Variants in CNTNAP2 observed in about 807,000 individuals in gnomAD.
The protein encoded by CNTNAP2 is contactin associated protein 2.
In CNTNAP2, 98 loss-of-function variants were observed where a neutral mutation model predicts 155.2. The ratio of observed to expected loss-of-function variants is 0.63; its 90% CI spans 0.54 to 0.75. The LOEUF is 0.75. Ranked by LOEUF, CNTNAP2 falls within the 30% of genes least tolerant of loss-of-function variation. The pLI is 0.00. For missense variants in CNTNAP2, 1,727 were observed against 1,688.1 expected, an observed-to-expected ratio of 1.02 and a Z score of -0.40; for synonymous variants, 651 against 631.2, an observed-to-expected ratio of 1.03 and a Z score of -0.47.
At chr7:148,356,563 T>C (rs1798519759) in intron 21 of CNTNAP2, among the ~76,000 whole-genome samples, 2 of 152,240 alleles carry the variant, frequency 1.3e-5, no homozygotes, top group African/African-American at 4.8e-5. Flanking sequence ...AGAGCTCCCT[T>C]GAGAAAGCTC....
At chr7:147,392,365 T>G (rs1031081588) in intron 9 of CNTNAP2, among the ~76,000 whole-genome samples, 7 of 151,970 alleles carry the variant, frequency 4.6e-5, no homozygotes, top group African/African-American at 1.4e-4. Flanking sequence ...TATTTTTAAT[T>G]TTTATTTCCA....
chr7:146,227,428 CAAAAAAAAAAAA>C (rs755623604), intron 1 of CNTNAP2, among the ~76,000 whole-genome samples: 3 of 58,722 alleles, frequency 5.1e-5, no homozygotes, highest in Non-Finnish European at 1.0e-4. Flanking sequence ...CTGTCTCAAA[CAAAAAAAAAAAA>C]AAAAAAAAAG....
intron 2 of CNTNAP2, among the ~76,000 whole-genome samples, chr7:146,808,617 A>T (rs930155282): frequency 6.6e-6 from 1 of 152,240 alleles, no homozygotes; most frequent in Admixed American, 6.5e-5. Context: ...ATCAAAATCA[A>T]GTTAATACAT....
chr7:148,097,923 C>T (rs1258223100), intron 15 of CNTNAP2, among the ~76,000 whole-genome samples: 1 of 152,144 alleles, frequency 6.6e-6, no homozygotes, highest in African/African-American at 2.4e-5. Flanking sequence ...GCAAGCAGTA[C>T]ATAAATTTTT....
At chr7:146,453,731 G>C (rs1350008176) in intron 1 of CNTNAP2, among the ~76,000 whole-genome samples, 1 of 151,862 alleles carries the variant, frequency 6.6e-6, no homozygotes, top group Non-Finnish European at 1.5e-5. Flanking sequence ...AGGTACAGAA[G>C]ATATAAAAGA....
At chr7:146,938,817 A>G (rs563586504) in intron 3 of CNTNAP2, among the ~76,000 whole-genome samples, 146 of 152,214 alleles carry the variant, frequency 9.6e-4, no homozygotes, top group African/African-American at 3.3e-3. Context: ...TGTCTTATTC[A>G]TCATTCAACA....
chr7:146,347,150 A>C (rs1020842429), intron 1 of CNTNAP2, among the ~76,000 whole-genome samples: 1 of 151,516 alleles, frequency 6.6e-6, no homozygotes, highest in Admixed American at 6.6e-5. Flanking sequence ...AAAAAAAAAA[A>C]AAAAAAAAAA....
At chr7:146,687,603 CT>C (rs1800624332) in intron 1 of CNTNAP2, among the ~76,000 whole-genome samples, 1 of 151,876 alleles carries the variant, frequency 6.6e-6, no homozygotes, top group Non-Finnish European at 1.5e-5. Context: ...TATTTTTAGG[CT>C]TTTGTGTTTG....
At chr7:147,312,107 G>A (rs1251979123) in intron 9 of CNTNAP2, among the ~76,000 whole-genome samples, 10 of 151,954 alleles carry the variant, frequency 6.6e-5, no homozygotes, top group East Asian at 1.9e-4. Flanking sequence ...GTTTACTCAC[G>A]TAGTAATTAA....
At chr7:147,011,643 A>G (rs1798627127) in intron 3 of CNTNAP2, among the ~76,000 whole-genome samples, 1 of 128,038 alleles carries the variant, frequency 7.8e-6, no homozygotes, top group Non-Finnish European at 1.7e-5. Flanking sequence ...CGAGCCACTC[A>G]TTCTCCTCTG....
intron 13 of CNTNAP2, among the ~76,000 whole-genome samples, chr7:147,862,909 A>G (rs4305811): frequency 6.6e-6 from 1 of 151,576 alleles, no homozygotes; most frequent in South Asian, 2.1e-4. Flanking sequence ...TAAGGGAAGC[A>G]AAGTATCTTT....
intron 1 of CNTNAP2, among the ~76,000 whole-genome samples, chr7:146,187,636 C>G (rs1798643106): frequency 6.6e-6 from 1 of 151,932 alleles, no homozygotes. Flanking sequence ...TTACCTTCTC[C>G]CATTCATATA....
chr7:146,626,375 T>C (rs1799419397), intron 1 of CNTNAP2, among the ~76,000 whole-genome samples: 2 of 152,116 alleles, frequency 1.3e-5, no homozygotes, highest in East Asian at 1.9e-4. Context: ...TCTGAGAGGG[T>C]TGATTTATGG....
intron 1 of CNTNAP2, among the ~76,000 whole-genome samples, chr7:146,683,023 A>T (rs577216666): frequency 1.3e-5 from 2 of 151,970 alleles, no homozygotes; most frequent in East Asian, 3.9e-4. Flanking sequence ...CATATATAAC[A>T]TTGTATATAA....
intron 3 of CNTNAP2, among the ~76,000 whole-genome samples, chr7:147,011,133 G>C (rs1433518375): frequency 6.6e-6 from 1 of 152,022 alleles, no homozygotes; most frequent in East Asian, 1.9e-4. Flanking sequence ...AACTATCAAG[G>C]CTGGGTGTGA....
intron 18 of CNTNAP2, among the ~76,000 whole-genome samples, chr7:148,213,896 G>A (rs907247123): frequency 1.6e-4 from 24 of 152,182 alleles, no homozygotes; most frequent in African/African-American, 5.5e-4. Context: ...TGTGGTGGGA[G>A]CCTCGGGGGT....
chr7:146,215,044 C>G (rs925789374), intron 1 of CNTNAP2, among the ~76,000 whole-genome samples: 1 of 152,186 alleles, frequency 6.6e-6, no homozygotes, highest in Admixed American at 6.5e-5. Flanking sequence ...TTCAGTTAAG[C>G]AGACATCAAA....
At chr7:147,816,024 T>A (rs1448681112) in intron 13 of CNTNAP2, among the ~76,000 whole-genome samples, 2 of 152,230 alleles carry the variant, frequency 1.3e-5, no homozygotes, top group Non-Finnish European at 2.9e-5. Flanking sequence ...GACTATTGCT[T>A]AATGTACAGT....
chr7:146,442,679 C>T (rs1405317924), intron 1 of CNTNAP2, among the ~76,000 whole-genome samples: 1 of 152,014 alleles, frequency 6.6e-6, no homozygotes, highest in African/African-American at 2.4e-5. Context: ...TCCTTGAGTC[C>T]CCTCCTGCTC....
Sources: allele counts gnomAD v4.1 joint callset (sites outside exome capture counted in the v4.1 genomes callset), GRCh38; gene constraint gnomAD v4.1.1; transcripts MANE v1.5; gene names NCBI Gene and HGNC (gene_info 2026-07-23, HGNC 2026-07-21).